Variants in CSMD2 observed in about 807,000 individuals in gnomAD.
CSMD2 encodes CUB and Sushi multiple domains 2.
CSMD2 carries 130 observed loss-of-function variants against 398.5 expected under a neutral mutation model. The ratio of observed to expected loss-of-function variants is 0.33; its 90% CI spans 0.28 to 0.38. The LOEUF is 0.38. Among genes scored for constraint, CSMD2 ranks in the 10% least tolerant of loss-of-function variants. The pLI is 1.00. For missense variants in CSMD2, 3,829 were observed against 4,764.9 expected (o/e 0.80, Z 5.78); for synonymous variants, 1,828 against 1,908.5 (o/e 0.96, Z 1.10).
At chr1:33,580,977 A>G in intron 47 of CSMD2, 78 bp from the exon 48 acceptor site, 1 of 1,474,978 alleles carries the variant, frequency 6.8e-7, no homozygotes, top group East Asian at 2.3e-5. Context: ...CAGGGCTCAG[A>G]GGGTGGGGTG....
At chr1:33,768,619 AG>A (rs1650858433) in intron 13 of CSMD2, among the ~76,000 whole-genome samples, 1 of 151,666 alleles carries the variant, frequency 6.6e-6, no homozygotes, top group Non-Finnish European at 1.5e-5. Context: ...AGGAAGTCAG[AG>A]TAAAGGACAG....
At chr1:33,725,875 G>A (rs1046793027) in intron 16 of CSMD2, among the ~76,000 whole-genome samples, 2 of 151,748 alleles carry the variant, frequency 1.3e-5, no homozygotes, top group Non-Finnish European at 2.9e-5. Flanking sequence ...GCCAGATCTG[G>A]TCTATAGCCT....
intron 6 of CSMD2, among the ~76,000 whole-genome samples, chr1:33,836,103 T>C (rs905051817): frequency 5.9e-5 from 9 of 152,226 alleles, no homozygotes; most frequent in African/African-American, 1.9e-4. Context: ...CAGCTGCAGG[T>C]GTGTTGGTGT....
At chr1:34,132,737 T>C (rs907036038) in intron 1 of CSMD2, among the ~76,000 whole-genome samples, 1 of 152,146 alleles carries the variant, frequency 6.6e-6, no homozygotes, top group Non-Finnish European at 1.5e-5. Context: ...CCATAAGATA[T>C]CAGAGCTCCT....
chr1:33,586,297 T>C (rs1280158826), intron 46 of CSMD2, among the ~76,000 whole-genome samples: 1 of 152,170 alleles, frequency 6.6e-6, no homozygotes, highest in Non-Finnish European at 1.5e-5. Context: ...GGTTCAGATA[T>C]CAGAACAGGG....
At chr1:34,061,025 T>C (rs1402871663) in intron 2 of CSMD2, among the ~76,000 whole-genome samples, 1 of 152,088 alleles carries the variant, frequency 6.6e-6, no homozygotes, top group African/African-American at 2.4e-5. Flanking sequence ...GGAAGAGTCT[T>C]TGGCACAAAG....
At chr1:33,759,293 T>C (rs1649472488) in intron 13 of CSMD2, among the ~76,000 whole-genome samples, 1 of 150,454 alleles carries the variant, frequency 6.6e-6, no homozygotes, top group African/African-American at 2.4e-5. Flanking sequence ...GGGTTAATCA[T>C]ACAGAGCTTG....
chr1:33,965,910 C>G (rs538705165), intron 3 of CSMD2, among the ~76,000 whole-genome samples: 14 of 152,186 alleles, frequency 9.2e-5, no homozygotes, highest in Admixed American at 2.0e-4. Flanking sequence ...AATGAGCAGG[C>G]AGAGTCCCTT....
intron 5 of CSMD2, among the ~76,000 whole-genome samples, chr1:33,852,966 C>T (rs1638823362): frequency 6.6e-6 from 1 of 151,974 alleles, no homozygotes; most frequent in Admixed American, 6.6e-5. Context: ...TGGCTTCTTA[C>T]AGAAAAAAAA....
chr1:33,726,022 CAA>C (rs1030991864), intron 16 of CSMD2, among the ~76,000 whole-genome samples: 3 of 152,104 alleles, frequency 2.0e-5, no homozygotes, highest in Non-Finnish European at 2.9e-5. Flanking sequence ...GCTCTTCACA[CAA>C]AAGTTTGCAG....
intron 3 of CSMD2, among the ~76,000 whole-genome samples, chr1:34,026,562 G>C (rs946385213): frequency 6.6e-6 from 1 of 152,232 alleles, no homozygotes; most frequent in Non-Finnish European, 1.5e-5. Flanking sequence ...AAGTGTCAGA[G>C]TGCACGAGAT....
At chr1:33,824,301 G>C (rs1386890862) in intron 7 of CSMD2, among the ~76,000 whole-genome samples, 1 of 152,144 alleles carries the variant, frequency 6.6e-6, no homozygotes, top group Non-Finnish European at 1.5e-5. Context: ...GCAGGTTCCT[G>C]GCCTGACCCT....
At chr1:33,587,316 G>A (rs1437577034) in intron 44 of CSMD2, 148 bp from the exon 45 acceptor site, 1 of 601,184 alleles carries the variant, frequency 1.7e-6, no homozygotes, top group Non-Finnish European at 2.9e-6. Context: ...GGCAAGTTTA[G>A]CCAAGTCCTT....
Position 33,716,382 on chromosome 1 carries a change from G to T in CSMD2, c.3121C>A (p.Pro1041Thr). 2 of 1,614,168 alleles carry T rather than the reference G, an allele frequency of 1.2e-6. No individual in the cohort carries two copies. Among genetic ancestry groups the T allele is most frequent in the Non-Finnish European group, 1.7e-6 (2 of 1,180,046 alleles). The change falls in exon 20 of 71, where the codon CCC (proline) becomes ACC (threonine). Residue 1041 changes from proline to threonine, a missense_variant. This residue lies in a region of CSMD2 where 2,001 missense variants were observed against 2,567.1 expected (regional missense o/e 0.78). Transcript: ENST00000373381. ...TTGCCATAGAGCCCAGCGCTGATGGGAGCTGGCAGCCGAGATCCAGTTAGC... is the reference window on the plus strand; with the variant it reads ...TTGCCATAGAGCCCAGCGCTGATGGTAGCTGGCAGCCGAGATCCAGTTAGC... ...RQLTGSRLPAPISAGLYGNFT... is the reference protein window; with the variant it reads ...RQLTGSRLPATISAGLYGNFT...
In CSMD2 at chr1:33,979,483, T is replaced by C. The variant is rs555077040; in HGVS notation, c.518-43529A>G. Reference sequence around the variant, plus strand: ...TGTGGGTACCAGTATCCAAGGGCACTACAGGCTCAGTGCTTCCCAAGCCTC... The same window carrying C: ...TGTGGGTACCAGTATCCAAGGGCACCACAGGCTCAGTGCTTCCCAAGCCTC... On this transcript the variant is annotated intron_variant, in intron 3 of 70. Coordinates refer to ENST00000373381, the MANE Select transcript of CSMD2 (RefSeq NM_001281956.2). Among the ~76,000 whole-genome samples, 4 of 152,342 alleles carry C rather than the reference T, an allele frequency of 2.6e-5. No individual in the cohort carries two copies. The South Asian group carries it at 8.3e-4, about 32-fold the overall frequency.
rs556313744 is a variant in CSMD2, at chr1:33,521,754, G to C, written c.10510-204C>G. On this transcript the variant is annotated intron_variant, in intron 67 of 70. Transcript: ENST00000373381. Reference sequence around the variant, plus strand: ...CAGGGGCACCAGCTACATGTATGAGGTAGGAGGAAGATTTTATTTTCTACT... The same window carrying C: ...CAGGGGCACCAGCTACATGTATGAGCTAGGAGGAAGATTTTATTTTCTACT... Among the ~76,000 whole-genome samples the C allele has an allele frequency of 7.4e-4, 113 of 152,348 alleles. 1 individual carries two copies. Among genetic ancestry groups the C allele is most frequent in the Admixed American group, 4.6e-4 (7 of 15,306 alleles).
At chr1:33,557,077 T>C (rs1658062569) in intron 55 of CSMD2, among the ~76,000 whole-genome samples, 1 of 152,246 alleles carries the variant, frequency 6.6e-6, no homozygotes, top group African/African-American at 2.4e-5. Context: ...ATTCTTTTCC[T>C]AACAATAATT....
At chr1:34,043,708 G>C (rs908541337) in intron 2 of CSMD2, among the ~76,000 whole-genome samples, 1 of 152,184 alleles carries the variant, frequency 6.6e-6, no homozygotes, top group East Asian at 1.9e-4. Flanking sequence ...TCTGGGAACC[G>C]GGATTTCAGG....
intron 3 of CSMD2, among the ~76,000 whole-genome samples, chr1:34,032,069 CAGACTGAG>C (rs1650514510): frequency 1.3e-5 from 2 of 152,038 alleles, no homozygotes; most frequent in African/African-American, 4.8e-5. Flanking sequence ...CATATTTAAA[CAGACTGAG>C]AGAAGTACAA....
Sources: allele counts gnomAD v4.1 joint callset (sites outside exome capture counted in the v4.1 genomes callset), GRCh38; gene constraint gnomAD v4.1.1; regional missense constraint gnomAD v4.1.1; transcripts MANE v1.5; gene names NCBI Gene and HGNC (gene_info 2026-07-23, HGNC 2026-07-21).